The following ERGIC1 variants were observed in gnomAD, a reference collection of about 807,000 sequenced individuals.
ERGIC1 encodes the protein endoplasmic reticulum-Golgi intermediate compartment protein 1.
ERGIC1 carries 19 observed loss-of-function variants against 38.3 expected under a neutral mutation model. The observed-to-expected ratio is 0.50, with a 90% CI of 0.35 to 0.73. The LOEUF is 0.73. ERGIC1 is among the 30% of genes least tolerant of loss of function. The pLI is 0.01. For synonymous variants in ERGIC1, 124 were observed against 157.6 expected, an observed-to-expected ratio of 0.79 and a Z score of 1.60; for missense variants, 294 against 389.2, an observed-to-expected ratio of 0.76 and a Z score of 2.06.
chr5:172,902,004 G>A (rs1001117088), intron 3 of ERGIC1, among the ~76,000 whole-genome samples: 15 of 152,160 alleles, frequency 9.9e-5, no homozygotes, highest in African/African-American at 3.6e-4. Context: ...GGCACCAGGC[G>A]GCCAAAACCA....
At position 172,926,188 on chromosome 5, in the gene ERGIC1, A is replaced by G. The variant is rs1763646537; in HGVS notation, c.481-321A>G. Among the ~76,000 whole-genome samples, 1 of 152,206 alleles carries G rather than the reference A, an allele frequency of 6.6e-6. No homozygotes were observed. Among genetic ancestry groups the G allele is most frequent in the Non-Finnish European group, 1.5e-5 (1 of 68,038 alleles). Reference sequence around the variant, plus strand: ...TAGCTTAGCCACTTACCAGCCGGGCAAGTTTTGGTGTCTTTCCAAGCCTTG... The same window carrying G: ...TAGCTTAGCCACTTACCAGCCGGGCGAGTTTTGGTGTCTTTCCAAGCCTTG... On this transcript the variant is annotated intron_variant, in intron 6 of 9. Transcript: ENST00000393784. This position sits in a 1 kb window ranked among gnomAD's most constrained non-coding sequence, Gnocchi z 5.2.
At chr5:172,892,062 G>GTTTTTTTTTTTTTTTTTTTTTTT (rs573472747) in intron 2 of ERGIC1, among the ~76,000 whole-genome samples, 2 of 90,230 alleles carry the variant, frequency 2.2e-5, no homozygotes, top group Non-Finnish European at 4.5e-5. Context: ...TAAAGAGTAT[G>GTTTTTTTTTTTTTTTTTTTTTTT]TTTTTTTTTT....
chr5:172,871,708 T>C (rs1762014956), intron 1 of ERGIC1, among the ~76,000 whole-genome samples: 1 of 152,104 alleles, frequency 6.6e-6, no homozygotes, highest in African/African-American at 2.4e-5. Flanking sequence ...TGCAGACAGA[T>C]GGCACCAAGC....
intron 9 of ERGIC1, among the ~76,000 whole-genome samples, chr5:172,942,865 G>A (rs933160356): frequency 3.3e-5 from 5 of 152,160 alleles, no homozygotes; most frequent in East Asian, 1.9e-4. Flanking sequence ...CTTTGCTGAC[G>A]GGGACCCCTT....
chr5:172,907,951 G>T (rs1763077396), intron 3 of ERGIC1, among the ~76,000 whole-genome samples: 2 of 152,072 alleles, frequency 1.3e-5, no homozygotes, highest in Admixed American at 1.3e-4. Flanking sequence ...AAAAGTATTT[G>T]TTGAGCAAAT....
intron 1 of ERGIC1, among the ~76,000 whole-genome samples, chr5:172,836,786 C>G (rs139978306): frequency 0.026 from 4,020 of 152,292 alleles, 79 homozygotes; most frequent in Middle Eastern, 0.078. Context: ...TGTGCGTGAA[C>G]TGGCACGCAA....
At chr5:172,932,618 G>C in intron 8 of ERGIC1, 82 bp downstream of exon 8, 5 of 1,378,480 alleles carry the variant, frequency 3.6e-6, no homozygotes, top group Non-Finnish European at 5.1e-6. Context: ...CGGCTGCACC[G>C]ACGCACTTTC....
intron 1 of ERGIC1, among the ~76,000 whole-genome samples, chr5:172,859,802 C>T (rs1761651566): frequency 6.6e-6 from 1 of 152,158 alleles, no homozygotes; most frequent in South Asian, 2.1e-4. Flanking sequence ...ACAGCATGGC[C>T]CATAGGTGGT....
At chr5:172,893,899 ATATATATG>A (rs1206467954) in intron 2 of ERGIC1, among the ~76,000 whole-genome samples, 22 of 13,038 alleles carry the variant, frequency 1.7e-3, no homozygotes, top group East Asian at 7.6e-3. Flanking sequence ...ATATATATAT[ATATATATG>A]TGTGTGTGTG....
intron 1 of ERGIC1, among the ~76,000 whole-genome samples, chr5:172,860,659 G>A (rs1761675629): frequency 6.6e-6 from 1 of 152,238 alleles, no homozygotes; most frequent in African/African-American, 2.4e-5. Context: ...GTGTCTGGGA[G>A]GAAGCCACCC....
chr5:172,910,029 G>T (rs1012619107), intron 4 of ERGIC1, among the ~76,000 whole-genome samples: 7 of 152,138 alleles, frequency 4.6e-5, no homozygotes, highest in Non-Finnish European at 8.8e-5. Flanking sequence ...TTACAGCTTC[G>T]CAGCAGAGCC....
chr5:172,947,877 TG>T (rs1361971339), intron 9 of ERGIC1, among the ~76,000 whole-genome samples: 6 of 2,030 alleles, frequency 3.0e-3, no homozygotes, highest in East Asian at 0.091. Context: ...AGATGTGTTT[TG>T]TGTGTGTGTG....
chr5:172,949,059 T>G (rs2113498088), intron 9 of ERGIC1, among the ~76,000 whole-genome samples: 1 of 152,300 alleles, frequency 6.6e-6, no homozygotes, highest in African/African-American at 2.4e-5. Context: ...TCCCTACAAA[T>G]AAGTTTCCTT....
chr5:172,908,512 G>A (rs990129228), intron 3 of ERGIC1, among the ~76,000 whole-genome samples: 1 of 151,436 alleles, frequency 6.6e-6, no homozygotes, highest in African/African-American at 2.4e-5. Flanking sequence ...GGAGATGGAG[G>A]TTGGAGTGAG....
At chr5:172,891,495 G>A (rs536723440) in intron 2 of ERGIC1, among the ~76,000 whole-genome samples, 4 of 151,634 alleles carry the variant, frequency 2.6e-5, no homozygotes, top group African/African-American at 9.7e-5. Context: ...CTGGAGTACA[G>A]TGGTGGGATC....
intron 8 of ERGIC1, 35 bp from the exon 9 acceptor site, chr5:172,935,153 G>A (rs1054655067): frequency 9.3e-6 from 15 of 1,613,630 alleles, no homozygotes; most frequent in Non-Finnish European, 1.3e-5. Flanking sequence ...CTGAGACACA[G>A]TTTGTACTTC....
intron 9 of ERGIC1, among the ~76,000 whole-genome samples, chr5:172,942,019 G>A (rs1764020937): frequency 6.6e-6 from 1 of 152,116 alleles, no homozygotes; most frequent in African/African-American, 2.4e-5. Flanking sequence ...AGCCTAACAT[G>A]GTGAAACCCC....
At chr5:172,913,513 C>T (rs1763263354) in intron 4 of ERGIC1, among the ~76,000 whole-genome samples, 1 of 152,244 alleles carries the variant, frequency 6.6e-6, no homozygotes, top group Non-Finnish European at 1.5e-5. Context: ...CCTTCTATGG[C>T]TGGATCCTCA....
chr5:172,839,866 T>G (rs1287595842), intron 1 of ERGIC1, among the ~76,000 whole-genome samples: 1 of 152,278 alleles, frequency 6.6e-6, no homozygotes, highest in Non-Finnish European at 1.5e-5. Flanking sequence ...TTCCTGGAGC[T>G]GGGATTGGAA....
Sources: allele counts gnomAD v4.1 joint callset (sites outside exome capture counted in the v4.1 genomes callset), GRCh38; gene constraint gnomAD v4.1.1; non-coding constraint Gnocchi (gnomAD v3.1); transcripts MANE v1.5; gene names NCBI Gene and HGNC (gene_info 2026-07-23, HGNC 2026-07-21).